PER2: variants seen among roughly 807,000 people sequenced by gnomAD.
The protein encoded by PER2 is period circadian protein homolog 2.
A neutral mutation model predicts 121.0 loss-of-function variants in PER2; 66 were observed. The observed-to-expected ratio is 0.55, with a 90% CI of 0.45 to 0.67. The LOEUF (loss-of-function observed/expected upper bound fraction) is 0.67, where lower values mean the gene tolerates loss of function less well. Among genes scored for constraint, PER2 ranks in the 30% least tolerant of loss-of-function variants. PER2 has a pLI of 0.00. For synonymous variants in PER2, 684 were observed against 659.9 expected (o/e 1.04, Z -0.56); for missense variants, 1,521 against 1,635.0 (o/e 0.93, Z 1.20).
intron 4 of PER2, among the ~76,000 whole-genome samples, chr2:238,275,458 G>A (rs945195611): frequency 1.2e-4 from 18 of 152,246 alleles, no homozygotes; most frequent in African/African-American, 4.3e-4. Context: ...GGAGGCTGAA[G>A]TGGGAGGACT....
rs1695653024 is a variant in PER2, at chr2:238,253,082, A to G, written c.2941T>C (p.Phe981Leu). The stretch of plus-strand genomic sequence containing the variant: ...AGGGGCGAGCTGCTGCGGGACTGAA[A>G]GAGCGGTGGGGAGGCCCTACCCATG... Reference protein sequence around the residue: ...SAMGRASPPLFQSRSSSPLQL... With the variant: ...SAMGRASPPLLQSRSSSPLQL... Residue 981 changes from phenylalanine (F) to leucine (L), a missense_variant, in exon 19 of 23, where the codon TTT becomes CTT. Transcript: ENST00000254657. The surrounding 1 kb of genome is among the most constrained non-coding windows in gnomAD (Gnocchi z 5.6). 1.2e-6 allele frequency: 2 copies of G among 1,612,070 alleles called. No homozygotes were observed. The highest frequency in any genetic ancestry group is 1.3e-5 in the African/African-American group (1 of 74,888).
chr2:238,283,500 A>G (rs1174310298), intron 1 of PER2, among the ~76,000 whole-genome samples: 3 of 152,178 alleles, frequency 2.0e-5, no homozygotes, highest in African/African-American at 4.8e-5. Flanking sequence ...AGGCAGGGGG[A>G]CAGCACACAC....
chr2:238,277,035 T>TA, intron 3 of PER2, 96 bp downstream of exon 3: 1 of 965,902 alleles, frequency 1.0e-6, no homozygotes, highest in African/African-American at 1.6e-5. Flanking sequence ...TAGCACAGCT[T>TA]AAAAAAAGCC....
intron 5 of PER2, 29 bp from the exon 6 acceptor site, chr2:238,271,542 C>T (rs1381925402): frequency 1.3e-6 from 2 of 1,563,830 alleles, no homozygotes; most frequent in South Asian, 1.1e-5. Context: ...GCTCTGATGA[C>T]AAGGTCAGAT....
chr2:238,273,729 G>T (rs940578890), intron 4 of PER2, among the ~76,000 whole-genome samples: 1 of 152,122 alleles, frequency 6.6e-6, no homozygotes, highest in Admixed American at 6.5e-5. Flanking sequence ...GCAGTGGCAC[G>T]ATCTCAGCTC....
At position 238,256,983 on chromosome 2, in the gene PER2, G is replaced by A; in HGVS notation, c.2004C>T (p.Ser668=). Residue 668 remains serine, a synonymous_variant, in exon 17 of 23, where the codon AGC becomes AGT. Coordinates refer to ENST00000254657, the MANE Select transcript of PER2 (RefSeq NM_022817.3). ...GKAESVASLT[S]QCSYSSTIVH... Reference sequence around the variant, plus strand: ...CGATGGTGCTGCTGTAGCTGCACTGGCTGGTGAGCGACGCCACACTCTCTG... The same window carrying A: ...CGATGGTGCTGCTGTAGCTGCACTGACTGGTGAGCGACGCCACACTCTCTG... 1 of 1,613,930 alleles carries A rather than the reference G, an allele frequency of 6.2e-7. No individual in the cohort carries two copies. Among genetic ancestry groups the A allele is most frequent in the Non-Finnish European group, 8.5e-7 (1 of 1,179,984 alleles).
chr2:238,289,953 C>G (rs1480552366), upstream of PER2: 1 of 152,210 alleles, frequency 6.6e-6, no homozygotes, highest in East Asian at 1.9e-4. Flanking sequence ...TGTGTAGGCT[C>G]TCATGGGGAA....
Position 238,273,103 on chromosome 2 carries a change from C to T in PER2, c.537G>A (p.Glu179=). ...TCACAATGTGCTCAGAGGTAACGCTCTCCATCTCCTCCACGGTGTAGGAGG... is the reference window on the plus strand; with the variant it reads ...TCACAATGTGCTCAGAGGTAACGCTTTCCATCTCCTCCACGGTGTAGGAGG... ...DVPSYTVEEM[E]SVTSEHIVKN... The change falls in exon 5 of 23, where the codon GAG becomes GAA. Residue 179 remains glutamate (E), a synonymous_variant. Coordinates refer to ENST00000254657, the MANE Select transcript of PER2 (RefSeq NM_022817.3). The T allele has an allele frequency of 6.2e-7, 1 of 1,614,038 alleles. No individual in the cohort carries two copies. Among genetic ancestry groups the T allele is most frequent in the South Asian group, 1.1e-5 (1 of 91,084 alleles).
At chr2:238,254,594 C>T (rs1027098741) in intron 18 of PER2, among the ~76,000 whole-genome samples, 79 of 152,312 alleles carry the variant, frequency 5.2e-4, no homozygotes, top group African/African-American at 1.6e-3. Flanking sequence ...AAGCACTGGG[C>T]TCCTGGGATG....
intron 1 of PER2, among the ~76,000 whole-genome samples, chr2:238,286,905 C>A (rs1355471902): frequency 6.6e-6 from 1 of 152,240 alleles, no homozygotes; most frequent in Non-Finnish European, 1.5e-5. Flanking sequence ...ACGTGGCTCA[C>A]AGGAGAACAT....
At chr2:238,291,477 G>C (rs1461211092), upstream of PER2, among the ~76,000 whole-genome samples, 1 of 152,252 alleles carries the variant, frequency 6.6e-6, no homozygotes, top group Non-Finnish European at 1.5e-5. Flanking sequence ...ATTGTAGGTG[G>C]CATGGTTTGC....
At chr2:238,272,992 G>A (rs2304675) in intron 5 of PER2, 78 bp downstream of exon 5, 22,893 of 1,387,134 alleles carry the variant, frequency 0.017, 441 homozygotes, top group South Asian at 0.068. Context: ...TACAGCCACC[G>A]GCCGCAGTGC....
intron 17 of PER2, among the ~76,000 whole-genome samples, chr2:238,256,482 C>A (rs775651645): frequency 2.6e-5 from 4 of 152,208 alleles, no homozygotes; most frequent in Non-Finnish European, 4.4e-5. Context: ...GCCACCAATG[C>A]GCTCATTGTA....
chr2:238,273,728 C>T (rs190672784), intron 4 of PER2, among the ~76,000 whole-genome samples: 25 of 152,176 alleles, frequency 1.6e-4, no homozygotes, highest in Non-Finnish European at 2.5e-4. Flanking sequence ...TGCAGTGGCA[C>T]GATCTCAGCT....
upstream of PER2, among the ~76,000 whole-genome samples, chr2:238,294,919 G>A (rs1464212036): frequency 6.6e-6 from 1 of 152,228 alleles, no homozygotes; most frequent in Non-Finnish European, 1.5e-5. Context: ...ACTCCGCTCT[G>A]AGTCCACAAG....
In PER2 at chr2:238,265,252, A is replaced by T. The variant is rs527279396; in HGVS notation, c.1046+260T>A. 7.2e-5 allele frequency among the ~76,000 whole-genome samples: 11 copies of T among 152,328 alleles called. No individual in the cohort carries two copies. In the South Asian group the frequency reaches 1.2e-3, roughly 17 times the overall value. On this transcript the variant is annotated intron_variant, in intron 9 of 22. Coordinates refer to ENST00000254657, the MANE Select transcript of PER2 (RefSeq NM_022817.3). The stretch of plus-strand genomic sequence containing the variant: ...AGGCAACAGCGCCTCTGTCTGGACC[A>T]TTATCCACTCCGAATGGGTTTATAT...
At chr2:238,262,161 T>C in intron 11 of PER2, 30 bp downstream of exon 11, 10 of 1,609,742 alleles carry the variant, frequency 6.2e-6, no homozygotes, top group South Asian at 1.1e-5. Flanking sequence ...CCAAGACCCC[T>C]GAGCCACCTC....
chr2:238,255,450 A>C, intron 18 of PER2: 1 of 637,406 alleles, frequency 1.6e-6, no homozygotes, highest in Non-Finnish European at 2.8e-6. Context: ...ACTATTCCCC[A>C]GGGAATGCAA....
chr2:238,284,350 G>A (rs1471470238), intron 1 of PER2, among the ~76,000 whole-genome samples: 1 of 151,322 alleles, frequency 6.6e-6, no homozygotes, highest in Non-Finnish European at 1.5e-5. Flanking sequence ...GCTGAGACAG[G>A]AGAATTGCTT....
Sources: gnomAD v4.1 joint callset for allele counts (sites outside exome capture counted in the v4.1 genomes callset) on GRCh38, gnomAD v4.1.1 for gene constraint, Gnocchi (gnomAD v3.1) non-coding constraint, MANE v1.5 for transcripts, NCBI Gene and HGNC (gene_info 2026-07-23, HGNC 2026-07-21) for gene names.